The following PXDC1 variants were observed in gnomAD, a reference collection of about 807,000 sequenced individuals.
PXDC1 encodes the protein PX domain containing 1, also known as PX domain-containing protein 1.
In PXDC1, 13 loss-of-function variants were observed where a neutral mutation model predicts 24.4. The ratio of observed to expected loss-of-function variants is 0.53; its 90% CI spans 0.35 to 0.85. The LOEUF is 0.85. Among genes scored for constraint, PXDC1 ranks in the 40% least tolerant of loss-of-function variants. The pLI is 0.01. For synonymous variants in PXDC1, 162 were observed against 124.9 expected (o/e 1.30, Z -1.98); for missense variants, 344 against 309.3 (o/e 1.11, Z -0.84).
At chr6:3,742,871 T>C (rs1332147153) in intron 1 of PXDC1, among the ~76,000 whole-genome samples, 2 of 152,184 alleles carry the variant, frequency 1.3e-5, no homozygotes, top group African/African-American at 4.8e-5. Flanking sequence ...CAGCGTCACT[T>C]TTCTTCCTAA....
At position 3,751,624 on chromosome 6, in the gene PXDC1, C is replaced by G; in HGVS notation, c.-93G>C. On this transcript the variant is annotated 5_prime_UTR_variant, in exon 1 of 5. Coordinates refer to ENST00000380283, the MANE Select transcript of PXDC1 (RefSeq NM_183373.4). ...CGGCCGGGGTCGTCCCGGGTCTGTCCGTGGCCGGGGTCGTCCGGGGTCGGC... is the reference window on the plus strand; with the variant it reads ...CGGCCGGGGTCGTCCCGGGTCTGTCGGTGGCCGGGGTCGTCCGGGGTCGGC... 1 of 1,358,956 alleles carries G rather than the reference C, an allele frequency of 7.4e-7. No individual in the cohort carries two copies. The allele number at this position is 1,358,956 out of a possible 1,614,324, so 84.2% of individuals were successfully genotyped here.
chr6:3,735,064 C>A (rs1456289403), intron 3 of PXDC1, among the ~76,000 whole-genome samples: 2 of 152,026 alleles, frequency 1.3e-5, no homozygotes, highest in East Asian at 3.8e-4. Flanking sequence ...TGTCTCAAAA[C>A]AAAACAAAAC....
At chr6:3,738,871 C>T in intron 1 of PXDC1, 1 of 1,303,196 alleles carries the variant, frequency 7.7e-7, no homozygotes, top group Non-Finnish European at 1.0e-6. Context: ...CTTCCCATCA[C>T]AGGTTCTATC....
At position 3,751,700 on chromosome 6, in the gene PXDC1, G is replaced by A. The variant is rs1760730397; in HGVS notation, c.-169C>T. The A allele has an allele frequency of 1.9e-6, 2 of 1,052,436 alleles. No homozygotes were observed. The highest frequency in any genetic ancestry group is 2.4e-6 in the Non-Finnish European group (2 of 833,394). The allele number at this position is 1,052,436 out of a possible 1,614,324, so 65.2% of individuals were successfully genotyped here. A position where few individuals can be genotyped will look rare whatever the true frequency, so the allele number is the denominator to read the frequency against. ...GGCCCGCGTTCGGGGCAGCGGGGCG[G>A]CGCGGCGGCGAGTGGCTCGGGCCGG... is the stretch of plus-strand genomic sequence containing the variant. On this transcript the variant is annotated 5_prime_UTR_variant, in exon 1 of 5. Transcript: ENST00000380283.
intron 3 of PXDC1, among the ~76,000 whole-genome samples, chr6:3,731,180 T>TTAG: frequency 6.6e-6 from 1 of 152,328 alleles, no homozygotes; most frequent in Non-Finnish European, 1.5e-5. Context: ...GTGTTCTATT[T>TTAG]CCAGGCCCCC....
Position 3,751,666 on chromosome 6 carries a change from G to A in PXDC1, c.-135C>T, listed in dbSNP as rs1760729395. 1 of 1,244,658 alleles carries A rather than the reference G, an allele frequency of 8.0e-7. No homozygotes were observed. Among genetic ancestry groups the A allele is most frequent in the Non-Finnish European group, 1.0e-6 (1 of 986,156 alleles). The allele number at this position is 1,244,658 out of a possible 1,614,324, so 77.1% of individuals were successfully genotyped here. On this transcript the variant is annotated 5_prime_UTR_variant, in exon 1 of 5. Transcript: ENST00000380283. ...GGGGTCGGCCCGTCACTCCAAGGAG[G>A]CTGCGTATGGCCCGCGTTCGGGGCA...
chr6:3,748,375 G>C (rs188666099), intron 1 of PXDC1, among the ~76,000 whole-genome samples: 5 of 152,268 alleles, frequency 3.3e-5, no homozygotes, highest in African/African-American at 7.2e-5. Context: ...TGCGAGGAAA[G>C]GGGAGAGAGG....
intron 1 of PXDC1, among the ~76,000 whole-genome samples, chr6:3,747,579 C>T (rs1581253119): frequency 2.0e-5 from 3 of 152,158 alleles, no homozygotes; most frequent in African/African-American, 4.8e-5. Flanking sequence ...TGCCTAGAAT[C>T]GACTTCCCCA....
At position 3,728,305 on chromosome 6, in the gene PXDC1, A is replaced by G. The variant is rs1435563083; in HGVS notation, c.467-643T>C. On this transcript the variant is annotated intron_variant, in intron 3 of 4. Coordinates refer to ENST00000380283, the MANE Select transcript of PXDC1 (RefSeq NM_183373.4). The surrounding 1 kb of genome is among the most constrained non-coding windows in gnomAD (Gnocchi z 4.0). ...TCACCCCACGAACCCAAAGTCCATG[A>G]TATCATTCTTATGCCTTCGCATCCT... Among the ~76,000 whole-genome samples the G allele has an allele frequency of 1.3e-5, 2 of 152,206 alleles. No individual in the cohort carries two copies. The highest frequency in any genetic ancestry group is 4.8e-5 in the African/African-American group (2 of 41,440).
intron 1 of PXDC1, among the ~76,000 whole-genome samples, chr6:3,744,354 T>G (rs377321187): frequency 6.6e-6 from 1 of 152,118 alleles, no homozygotes; most frequent in South Asian, 2.1e-4. Context: ...TCCTGGCACG[T>G]CATGCTAGCC....
intron 1 of PXDC1, among the ~76,000 whole-genome samples, chr6:3,743,107 C>A (rs1300649059): frequency 6.6e-6 from 1 of 152,206 alleles, no homozygotes; most frequent in African/African-American, 2.4e-5. Context: ...AGGCTTTGGG[C>A]TCAACACTTG....
intron 3 of PXDC1, among the ~76,000 whole-genome samples, chr6:3,733,029 T>C (rs1760237411): frequency 6.6e-6 from 1 of 152,190 alleles, no homozygotes; most frequent in African/African-American, 2.4e-5. Context: ...GCTGAGGCTC[T>C]GGAGTGGAGG....
chr6:3,738,161 C>G lies in PXDC1; in HGVS notation c.257-13G>C. 1.9e-6 allele frequency: 3 copies of G among 1,603,174 alleles called. No homozygotes were observed. The highest frequency in any genetic ancestry group is 2.6e-6 in the Non-Finnish European group (3 of 1,170,088). On this transcript the variant is annotated splice_polypyrimidine_tract_variant and intron_variant, in intron 1 of 4. Coordinates refer to ENST00000380283, the MANE Select transcript of PXDC1 (RefSeq NM_183373.4). ...ATGGCAACCAGTCCTAGAATTGAGA[C>G]AGAAATGCTCAAAGTCAGAATAGCA...
rs757252853 is a variant in PXDC1 at position 3,727,619 on chromosome 6, T to C, written c.510A>G (p.Thr170=). 7 of 1,613,892 alleles carry C rather than the reference T, an allele frequency of 4.3e-6. No homozygotes were observed. Among genetic ancestry groups the C allele is most frequent in the African/African-American group, 1.3e-5 (1 of 74,924 alleles). The change falls in exon 4 of 5, where the codon ACA becomes ACG. Residue 170 remains threonine, a synonymous_variant. Coordinates refer to ENST00000380283, the MANE Select transcript of PXDC1 (RefSeq NM_183373.4). ...TTGGTATACTGTGGTCAATAACTAT[T>C]GTTTCGGTATTTGCTAAACAAAATC... ...SNGFCLANTE[T]IVIDHSIPNG...
chr6:3,738,057 T>C lies in PXDC1; in HGVS notation c.348A>G (p.Lys116=). 1.2e-6 allele frequency: 2 copies of C among 1,613,652 alleles called. No homozygotes were observed. Among genetic ancestry groups the C allele is most frequent in the African/African-American group, 2.7e-5 (2 of 74,968 alleles). The change falls in exon 2 of 5, where the codon AAA becomes AAG. Residue 116 remains lysine (K), a splice_region_variant and synonymous_variant. Transcript: ENST00000380283. ...LLKTIISMPC[K]YSRSEVVLTF... is the part of the protein sequence containing the mutation. ...CAGCCCGGGGCCTGGCCACACTCAC[T>C]TTACAGGGCATGCTTATGATCGTCT...
rs2127600221 is a variant in PXDC1 at position 3,737,645 on chromosome 6, G to A, written c.348+412C>T. On this transcript the variant is annotated intron_variant, in intron 2 of 4. Transcript: ENST00000380283. The surrounding 1 kb of genome is among the most constrained non-coding windows in gnomAD (Gnocchi z 5.5). ...GAAAGGGAGTTGACGGTCAAATCCG[G>A]GCAACGTGCCCCGCTGTGCTGACGC... 1 of 985,298 alleles carries A rather than the reference G, an allele frequency of 1.0e-6. No individual in the cohort carries two copies. Among genetic ancestry groups the A allele is most frequent in the Admixed American group, 6.1e-5 (1 of 16,290 alleles). 61.0% of individuals were successfully genotyped at this position (985,298 alleles called of 1,614,324 possible). A position where few individuals can be genotyped will look rare whatever the true frequency, so the allele number is the denominator to read the frequency against.
chr6:3,737,559 G>T lies in PXDC1; in HGVS notation c.349-363C>A. ...AAGCTTCCAGGAGCTAAGGAGGTCTGCCTGGCGCTCAAGTCCAGGTTCTTA... is the reference window on the plus strand; with the variant it reads ...AAGCTTCCAGGAGCTAAGGAGGTCTTCCTGGCGCTCAAGTCCAGGTTCTTA... On this transcript the variant is annotated intron_variant, in intron 2 of 4. Transcript: ENST00000380283. The surrounding 1 kb of genome is among the most constrained non-coding windows in gnomAD (Gnocchi z 5.5). 1 of 604,692 alleles carries T rather than the reference G, an allele frequency of 1.7e-6. No individual in the cohort carries two copies. Among genetic ancestry groups the T allele is most frequent in the Non-Finnish European group, 2.1e-6 (1 of 481,974 alleles). 37.5% of individuals were successfully genotyped at this position (604,692 alleles called of 1,614,324 possible). A position where few individuals can be genotyped will look rare whatever the true frequency, so the allele number is the denominator to read the frequency against.
intron 1 of PXDC1, 143 bp downstream of exon 1, chr6:3,751,133 G>A (rs1295143592): frequency 1.6e-6 from 1 of 635,930 alleles, no homozygotes; most frequent in Non-Finnish European, 2.4e-6. Flanking sequence ...CCCCTCGTCT[G>A]CGGGCGCGGG....
chr6:3,732,670 C>T (rs1026925185), intron 3 of PXDC1, among the ~76,000 whole-genome samples: 7 of 152,212 alleles, frequency 4.6e-5, no homozygotes, highest in Non-Finnish European at 4.4e-5. Context: ...CCTGACTGTC[C>T]TCACCGTGGC....
Sources: allele counts gnomAD v4.1 joint callset (sites outside exome capture counted in the v4.1 genomes callset), GRCh38; gene constraint gnomAD v4.1.1; non-coding constraint Gnocchi (gnomAD v3.1); transcripts MANE v1.5; gene names NCBI Gene and HGNC (gene_info 2026-07-23, HGNC 2026-07-21).